Variants in SUGCT observed in about 807,000 individuals in gnomAD.
SUGCT encodes succinyl-CoA:glutarate CoA-transferase.
Under a neutral mutation model 55.0 loss-of-function variants are expected in SUGCT, and 41 were observed. The observed-to-expected ratio is 0.74, with a 90% CI of 0.58 to 0.97. The LOEUF is 0.97. Ranked by LOEUF, SUGCT falls within the 50% of genes least tolerant of loss-of-function variation. SUGCT has a pLI of 0.00. For synonymous variants in SUGCT, 187 were observed against 200.4 expected, an observed-to-expected ratio of 0.93 and a Z score of 0.56; for missense variants, 568 against 547.8, an observed-to-expected ratio of 1.04 and a Z score of -0.37.
At position 40,181,988 on chromosome 7, in the gene SUGCT, A is replaced by C. The variant is rs1211589558; in HGVS notation, c.186A>C (p.Leu62Phe). Residue 62 changes from leucine (L) to phenylalanine (F), a missense_variant, in exon 3 of 14, where the codon TTA (leucine) becomes TTC (phenylalanine). Leu to Phe is a conservative substitution (Grantham distance 22). Coordinates refer to ENST00000335693, the MANE Select transcript of SUGCT (RefSeq NM_001193313.2). ...CGGGACCTTTTGCTACTATGAATTT[A>C]GGAGATCTTGGAGCAGAAGTTATAA... ...VLAGPFATMN[L>F]GDLGAEVIKV... 6.2e-7 allele frequency: 1 copy of C among 1,602,594 alleles called. No homozygotes were observed. The highest frequency in any genetic ancestry group is 8.5e-7 in the Non-Finnish European group (1 of 1,173,064).
intron 9 of SUGCT, among the ~76,000 whole-genome samples, chr7:40,435,430 T>TA (rs1354269031): frequency 6.6e-6 from 1 of 152,194 alleles, no homozygotes; most frequent in Non-Finnish European, 1.5e-5. Flanking sequence ...ATTTTATGCT[T>TA]ACAGTTTTGC....
intron 12 of SUGCT, among the ~76,000 whole-genome samples, chr7:40,637,357 G>C (rs888486913): frequency 2.0e-4 from 30 of 152,188 alleles, no homozygotes; most frequent in African/African-American, 7.0e-4. Context: ...ACACAAGGCA[G>C]CCTCCCCTGA....
chr7:40,268,232 C>G (rs576025878), intron 7 of SUGCT, among the ~76,000 whole-genome samples: 1 of 152,078 alleles, frequency 6.6e-6, no homozygotes, highest in Non-Finnish European at 1.5e-5. Flanking sequence ...CATAAAGAAA[C>G]CTCTTACCTA....
rs115583990 is a variant in SUGCT at position 40,701,625 on chromosome 7, T to G, written c.1090-47809T>G. Among the ~76,000 whole-genome samples the G allele has an allele frequency of 1.4e-3, 209 of 152,344 alleles. 1 individual carries two copies. The highest frequency in any genetic ancestry group is 4.8e-3 in the African/African-American group (201 of 41,590). ...AAAGGAATTGTTCATCCACAGCCAT[T>G]CGGGCACTGATAGAAGGTGAATTTC... is the stretch of plus-strand genomic sequence containing the variant. On this transcript the variant is annotated intron_variant, in intron 12 of 13. Transcript: ENST00000335693.
At chr7:40,994,737 G>T in the SUGCT span, among the ~76,000 whole-genome samples, 1 of 152,142 alleles carries the variant, frequency 6.6e-6, no homozygotes, top group Non-Finnish European at 1.5e-5. Context: ...AGGTGACTGG[G>T]AGGTGATTAT....
chr7:40,364,277 G>A (rs1445213868), intron 9 of SUGCT, among the ~76,000 whole-genome samples: 2 of 152,028 alleles, frequency 1.3e-5, no homozygotes, highest in Admixed American at 6.6e-5. Context: ...CAATTTGCCA[G>A]TCTGTGTCTT....
At chr7:40,682,204 C>T (rs992843213) in intron 12 of SUGCT, among the ~76,000 whole-genome samples, 2 of 152,204 alleles carry the variant, frequency 1.3e-5, no homozygotes, top group African/African-American at 4.8e-5. Context: ...TGCTCCATCT[C>T]AGCCTGGAAA....
intron 12 of SUGCT, among the ~76,000 whole-genome samples, chr7:40,557,869 G>A (rs558303438): frequency 6.6e-6 from 1 of 151,838 alleles, no homozygotes; most frequent in Admixed American, 6.6e-5. Flanking sequence ...ATCTGATAAG[G>A]GATTAAGAAT....
the SUGCT span, among the ~76,000 whole-genome samples, chr7:40,906,478 C>G: frequency 6.6e-6 from 1 of 152,138 alleles, no homozygotes. Context: ...TATGTGGGCC[C>G]TCCATATCTG....
the SUGCT span, among the ~76,000 whole-genome samples, chr7:40,912,850 C>T: frequency 6.7e-6 from 1 of 148,982 alleles, no homozygotes; most frequent in East Asian, 2.0e-4. Context: ...TAGAATGCTA[C>T]TTTTCTGTCA....
intron 12 of SUGCT, among the ~76,000 whole-genome samples, chr7:40,632,090 A>G (rs1171406902): frequency 6.6e-6 from 1 of 152,156 alleles, no homozygotes; most frequent in African/African-American, 2.4e-5. Context: ...GGGCCTGGAA[A>G]TGGTGCTTTA....
At chr7:40,276,218 A>C (rs1792468584) in intron 8 of SUGCT, among the ~76,000 whole-genome samples, 1 of 152,234 alleles carries the variant, frequency 6.6e-6, no homozygotes, top group Non-Finnish European at 1.5e-5. Flanking sequence ...ACTCTGTTCA[A>C]ATGAGTGGTT....
intron 13 of SUGCT, among the ~76,000 whole-genome samples, chr7:40,795,788 TC>T (rs1790525562): frequency 1.3e-5 from 2 of 152,122 alleles, no homozygotes; most frequent in Non-Finnish European, 2.9e-5. Context: ...AGTGTATTCT[TC>T]CCCCTATTAC....
chr7:40,777,208 ATTC>A (rs1468575318), intron 13 of SUGCT, among the ~76,000 whole-genome samples: 1 of 152,162 alleles, frequency 6.6e-6, no homozygotes, highest in Non-Finnish European at 1.5e-5. Flanking sequence ...TGAAATGCAT[ATTC>A]TTCTTCCTAG....
chr7:40,316,170 C>G (rs1795422580), intron 8 of SUGCT, among the ~76,000 whole-genome samples: 1 of 152,116 alleles, frequency 6.6e-6, no homozygotes, highest in African/African-American at 2.4e-5. Context: ...GGATGATCCA[C>G]TAATTAATTT....
intron 6 of SUGCT, among the ~76,000 whole-genome samples, chr7:40,221,942 T>C (rs999183443): frequency 1.2e-4 from 18 of 152,242 alleles, no homozygotes; most frequent in African/African-American, 4.3e-4. Context: ...GATGAGTGGA[T>C]TAATATATGA....
At chr7:40,660,448 G>A (rs780871676) in intron 12 of SUGCT, among the ~76,000 whole-genome samples, 5 of 152,016 alleles carry the variant, frequency 3.3e-5, no homozygotes, top group African/African-American at 4.8e-5. Flanking sequence ...TAGTAGAGAC[G>A]GGGTTTCACC....
intron 12 of SUGCT, among the ~76,000 whole-genome samples, chr7:40,654,797 T>C (rs553792680): frequency 6.6e-6 from 1 of 152,324 alleles, no homozygotes; most frequent in African/African-American, 2.4e-5. Context: ...TAGATGTCAC[T>C]GTGATCTCTT....
At chr7:40,607,470 G>C (rs901130161) in intron 12 of SUGCT, among the ~76,000 whole-genome samples, 3 of 152,236 alleles carry the variant, frequency 2.0e-5, no homozygotes, top group Non-Finnish European at 4.4e-5. Context: ...GCGTTTCCCA[G>C]TCTTATTTGA....
Sources: gnomAD v4.1 joint callset for allele counts (sites outside exome capture counted in the v4.1 genomes callset) on GRCh38, gnomAD v4.1.1 for gene constraint, MANE v1.5 for transcripts, NCBI Gene and HGNC (gene_info 2026-07-23, HGNC 2026-07-21) for gene names.